Variants in FAM120A observed in about 807,000 individuals in gnomAD.
FAM120A encodes the protein family with sequence similarity 120 member A, also known as constitutive coactivator of PPAR-gamma-like protein 1.
FAM120A carries 15 observed loss-of-function variants against 109.7 expected under a neutral mutation model. The ratio of observed to expected loss-of-function variants is 0.14; its 90% CI spans 0.09 to 0.21. The LOEUF is 0.21. FAM120A is among the 10% of genes least tolerant of loss of function. The pLI is 1.00. For synonymous variants in FAM120A, 493 were observed against 572.8 expected, an observed-to-expected ratio of 0.86 and a Z score of 1.99; for missense variants, 899 against 1,439.3, an observed-to-expected ratio of 0.62 and a Z score of 6.07.
intron 7 of FAM120A, among the ~76,000 whole-genome samples, chr9:93,518,429 C>G (rs1860697284): frequency 6.6e-6 from 1 of 152,160 alleles, no homozygotes; most frequent in Non-Finnish European, 1.5e-5. Flanking sequence ...AAAAAAGTCA[C>G]TACTTTTTTA....
intron 11 of FAM120A, among the ~76,000 whole-genome samples, chr9:93,546,075 C>T (rs1303784085): frequency 3.3e-5 from 5 of 151,916 alleles, no homozygotes; most frequent in African/African-American, 7.3e-5. Flanking sequence ...CATGAGCCAC[C>T]GCACCTGGCC....
intron 5 of FAM120A, among the ~76,000 whole-genome samples, chr9:93,506,171 T>C (rs1860044142): frequency 6.6e-6 from 1 of 152,228 alleles, no homozygotes; most frequent in Non-Finnish European, 1.5e-5. Flanking sequence ...TTGATCCTTT[T>C]CACTTTTATG....
intron 2 of FAM120A, among the ~76,000 whole-genome samples, chr9:93,473,370 A>C (rs1858398212): frequency 6.6e-6 from 1 of 152,056 alleles, no homozygotes; most frequent in Non-Finnish European, 1.5e-5. Flanking sequence ...CAGTGGTGCA[A>C]TCTCGGCTCA....
At position 93,452,523 on chromosome 9, in the gene FAM120A, G is replaced by T. The variant is rs1857298233; in HGVS notation, c.474+134G>T. On this transcript the variant is annotated intron_variant, in intron 1 of 17. Coordinates refer to ENST00000277165, the MANE Select transcript of FAM120A (RefSeq NM_014612.5). The surrounding 1 kb of genome is among the most constrained non-coding windows in gnomAD (Gnocchi z 7.0). The stretch of plus-strand genomic sequence containing the variant: ...GTTCCCCCAGCCCTTGCCCGGGATA[G>T]CCTGGCCGGGCCGGGCTGCAAGATG... 1 of 1,555,454 alleles carries T rather than the reference G, an allele frequency of 6.4e-7. No homozygotes were observed. Among genetic ancestry groups the T allele is most frequent in the South Asian group, 1.1e-5 (1 of 87,704 alleles).
At chr9:93,529,828 A>G (rs1861258229) in intron 9 of FAM120A, 1 of 573,704 alleles carries the variant, frequency 1.7e-6, no homozygotes, top group Non-Finnish European at 3.1e-6. Context: ...TTATACTTCT[A>G]ATGAAATAAT....
In FAM120A at chr9:93,452,706, C is replaced by T; in HGVS notation, c.474+317C>T. On this transcript the variant is annotated intron_variant, in intron 1 of 17. Coordinates refer to ENST00000277165, the MANE Select transcript of FAM120A (RefSeq NM_014612.5). This position sits in a 1 kb window ranked among gnomAD's most constrained non-coding sequence, Gnocchi z 7.0. ...TCATCCCCAATATCCTTAGTTTTTC[C>T]CATCCTATTTGAGGCGGGCAGGCTA... is the stretch of plus-strand genomic sequence containing the variant. The T allele has an allele frequency of 6.3e-7, 1 of 1,598,522 alleles. No individual in the cohort carries two copies. The highest frequency in any genetic ancestry group is 8.5e-7 in the Non-Finnish European group (1 of 1,179,862).
At chr9:93,461,293 C>T (rs1459137445) in intron 1 of FAM120A, among the ~76,000 whole-genome samples, 1 of 152,140 alleles carries the variant, frequency 6.6e-6, no homozygotes, top group Non-Finnish European at 1.5e-5. Flanking sequence ...TGAAGTACAT[C>T]ATTCATCCTC....
intron 8 of FAM120A, 30 bp from the exon 9 acceptor site, chr9:93,529,322 GT>G: frequency 6.5e-7 from 1 of 1,537,308 alleles, no homozygotes; most frequent in South Asian, 1.3e-5. Flanking sequence ...ACATACACTC[GT>G]TTTCCTCCCT....
At chr9:93,554,325 AGTCTTAAAG>A in intron 12 of FAM120A, among the ~76,000 whole-genome samples, 1 of 152,284 alleles carries the variant, frequency 6.6e-6, no homozygotes, top group East Asian at 1.9e-4. Flanking sequence ...TGGTTACATT[AGTCTTAAAG>A]GTTTGAATCT....
At chr9:93,558,463 C>T in intron 14 of FAM120A, 118 bp from the exon 15 acceptor site, 1 of 1,308,642 alleles carries the variant, frequency 7.6e-7, no homozygotes, top group Non-Finnish European at 1.1e-6. Context: ...CAAGAGGGGC[C>T]AGGAGACCCC....
intron 7 of FAM120A, among the ~76,000 whole-genome samples, chr9:93,523,121 CTT>C (rs1308571194): frequency 6.6e-6 from 1 of 152,154 alleles, no homozygotes; most frequent in African/African-American, 2.4e-5. Flanking sequence ...AAAATTAACT[CTT>C]AGTATGCTAG....
At chr9:93,508,869 C>G (rs748319332) in intron 5 of FAM120A, among the ~76,000 whole-genome samples, 5 of 152,344 alleles carry the variant, frequency 3.3e-5, no homozygotes, top group East Asian at 3.9e-4. Flanking sequence ...CACACGATCT[C>G]TCTCCAATAA....
At chr9:93,486,144 T>G (rs887178373) in intron 3 of FAM120A, among the ~76,000 whole-genome samples, 2 of 152,178 alleles carry the variant, frequency 1.3e-5, no homozygotes, top group East Asian at 3.9e-4. Flanking sequence ...GGCTAATGTT[T>G]TATTTTTTTT....
intron 3 of FAM120A, among the ~76,000 whole-genome samples, chr9:93,485,393 C>T (rs13294405): frequency 4.6e-5 from 7 of 151,856 alleles, no homozygotes; most frequent in African/African-American, 7.3e-5. Context: ...TTCAGGAGTT[C>T]GAGACCAGCC....
intron 3 of FAM120A, among the ~76,000 whole-genome samples, chr9:93,493,822 G>A (rs1367126010): frequency 1.3e-5 from 2 of 151,954 alleles, no homozygotes; most frequent in Non-Finnish European, 1.5e-5. Context: ...GCTGAAACTT[G>A]GCTTCGCAGT....
intron 3 of FAM120A, among the ~76,000 whole-genome samples, chr9:93,494,100 C>A (rs140709023): frequency 1.3e-5 from 2 of 152,196 alleles, no homozygotes; most frequent in Admixed American, 6.5e-5. Context: ...GGCCCCATCA[C>A]GGGTTCTTAG....
intron 7 of FAM120A, among the ~76,000 whole-genome samples, chr9:93,518,785 G>A (rs1311584089): frequency 6.6e-6 from 1 of 152,232 alleles, no homozygotes; most frequent in Admixed American, 6.5e-5. Flanking sequence ...GGGCTGGGCC[G>A]TGCACAGCTG....
intron 1 of FAM120A, among the ~76,000 whole-genome samples, chr9:93,469,802 C>A (rs1036219085): frequency 1.2e-4 from 18 of 152,026 alleles, no homozygotes; most frequent in African/African-American, 4.1e-4. Flanking sequence ...GTAATTTCTT[C>A]TTTTACGTAT....
chr9:93,556,421 C>G lies in FAM120A; in HGVS notation c.2314C>G (p.Leu772Val), dbSNP rs1862284251. The change falls in exon 13 of 18, where the codon CTC becomes GTC. Residue 772 changes from leucine (L) to valine (V), a missense_variant. Leu to Val is a conservative substitution (Grantham distance 32). This residue lies in a region of FAM120A where 52 missense variants were observed against 49.7 expected (regional missense o/e 1.05). Coordinates refer to ENST00000277165, the MANE Select transcript of FAM120A (RefSeq NM_014612.5). ...TCCCCGAGGAATTCAGCTATCAGCTCTCTTCATGAGTGGAGTAGACATGGC... is the reference window on the plus strand; with the variant it reads ...TCCCCGAGGAATTCAGCTATCAGCTGTCTTCATGAGTGGAGTAGACATGGC... ...LDPRGIQLSA[L>V]FMSGVDMALF... 2 of 1,614,244 alleles carry G rather than the reference C, an allele frequency of 1.2e-6. No homozygotes were observed. The highest frequency in any genetic ancestry group is 1.3e-5 in the African/African-American group (1 of 75,064).
Sources: gnomAD v4.1 joint callset for allele counts (sites outside exome capture counted in the v4.1 genomes callset) on GRCh38, gnomAD v4.1.1 for gene constraint, gnomAD v4.1.1 regional missense constraint, Gnocchi (gnomAD v3.1) non-coding constraint, MANE v1.5 for transcripts, NCBI Gene and HGNC (gene_info 2026-07-23, HGNC 2026-07-21) for gene names.